Variants in ACOXL observed in about 807,000 individuals in gnomAD.
The protein encoded by ACOXL is acyl-coenzyme A oxidase-like protein.
Under a neutral mutation model 71.9 loss-of-function variants are expected in ACOXL, and 70 were observed. The ratio of observed to expected loss-of-function variants is 0.97; its 90% CI spans 0.80 to 1.19. ACOXL has a LOEUF of 1.19. ACOXL is among the 50% of genes most tolerant of loss of function. The probability of loss-of-function intolerance (pLI) is 0.00; values close to 1 mark genes in which losing one functional copy is unlikely to be tolerated. For missense variants in ACOXL, 703 were observed against 736.3 expected (o/e 0.95, Z 0.52); for synonymous variants, 253 against 281.6 (o/e 0.90, Z 1.02).
intron 12 of ACOXL, among the ~76,000 whole-genome samples, chr2:110,959,957 A>G (rs1012286855): frequency 5.3e-5 from 8 of 152,188 alleles, no homozygotes; most frequent in African/African-American, 1.9e-4. Context: ...AGGTGATCCC[A>G]GTCAGATCCA....
chr2:110,988,857 T>TTG (rs70958753), intron 13 of ACOXL, among the ~76,000 whole-genome samples: 8,239 of 143,356 alleles, frequency 0.057, 305 homozygotes, highest in Admixed American at 0.13. Context: ...CCTATTTTTA[T>TTG]TGTGTGTGTG....
chr2:110,773,549 G>A (rs1682243074), intron 2 of ACOXL, among the ~76,000 whole-genome samples: 1 of 152,130 alleles, frequency 6.6e-6, no homozygotes, highest in Admixed American at 6.5e-5. Context: ...TGTGACCGCT[G>A]TACTCCCCCA....
At chr2:110,748,032 T>G (rs974655320) in intron 1 of ACOXL, among the ~76,000 whole-genome samples, 12 of 152,182 alleles carry the variant, frequency 7.9e-5, no homozygotes, top group African/African-American at 2.9e-4. Flanking sequence ...ACTAAAGGTT[T>G]TCTTCTGCAG....
intron 12 of ACOXL, among the ~76,000 whole-genome samples, chr2:110,980,821 C>T (rs2149524089): frequency 6.6e-6 from 1 of 152,364 alleles, no homozygotes; most frequent in South Asian, 2.1e-4. Flanking sequence ...GCCCGCGGCC[C>T]TGAAAGCCTT....
intron 12 of ACOXL, among the ~76,000 whole-genome samples, chr2:110,976,463 T>G (rs932639087): frequency 6.6e-6 from 1 of 152,254 alleles, no homozygotes; most frequent in South Asian, 2.1e-4. Flanking sequence ...GCTAGCCAAA[T>G]TATTGATCAA....
chr2:110,944,254 A>G (rs145009749), intron 12 of ACOXL, among the ~76,000 whole-genome samples: 1 of 151,922 alleles, frequency 6.6e-6, no homozygotes, highest in African/African-American at 2.4e-5. Flanking sequence ...GGGTTTCACT[A>G]TATTGGCAAG....
chr2:111,068,304 G>T lies in ACOXL; in HGVS notation c.1440+19016G>T, dbSNP rs761082589. 5.9e-5 allele frequency among the ~76,000 whole-genome samples: 9 copies of T among 152,310 alleles called. No homozygotes were observed. In the East Asian group the frequency reaches 1.7e-3, roughly 29 times the overall value. On this transcript the variant is annotated intron_variant, in intron 16 of 17. Transcript: ENST00000439055. ...ACATGGTTTTCTATGACTGGAGCAC[G>T]GGGGCGTGACCTGGGGGTATGGTGG...
chr2:111,009,713 A>G (rs948086765), intron 14 of ACOXL, among the ~76,000 whole-genome samples: 1 of 152,124 alleles, frequency 6.6e-6, no homozygotes, highest in East Asian at 1.9e-4. Context: ...AAGGGGTTTT[A>G]AAGTTGGAAG....
intron 2 of ACOXL, among the ~76,000 whole-genome samples, 181 bp downstream of exon 2, chr2:110,768,645 C>T (rs1372846692): frequency 2.6e-5 from 4 of 152,010 alleles, no homozygotes; most frequent in Admixed American, 2.0e-4. Flanking sequence ...TATTTCCTCA[C>T]CCCAGTAGTG....
At chr2:110,950,474 A>C (rs1024633642) in intron 12 of ACOXL, among the ~76,000 whole-genome samples, 1 of 152,234 alleles carries the variant, frequency 6.6e-6, no homozygotes, top group Admixed American at 6.5e-5. Context: ...TATAAATTTC[A>C]TAAGGAATGG....
intron 9 of ACOXL, among the ~76,000 whole-genome samples, chr2:110,836,813 C>T (rs1406403632): frequency 6.6e-6 from 1 of 152,234 alleles, no homozygotes; most frequent in Non-Finnish European, 1.5e-5. Context: ...AATAGGCAGG[C>T]TCTTTCCAGA....
At chr2:110,844,842 C>T (rs962372328) in intron 10 of ACOXL, among the ~76,000 whole-genome samples, 3 of 152,200 alleles carry the variant, frequency 2.0e-5, no homozygotes, top group African/African-American at 7.2e-5. Context: ...CCACCACGCC[C>T]GGCCACCGTG....
chr2:111,108,410 C>G (rs554614058), intron 17 of ACOXL, among the ~76,000 whole-genome samples: 58 of 105,092 alleles, frequency 5.5e-4, no homozygotes, highest in Middle Eastern at 0.018. Flanking sequence ...CAGAGTTTCA[C>G]TCTTGCTGCC....
At chr2:110,975,952 T>G (rs975356730) in intron 12 of ACOXL, among the ~76,000 whole-genome samples, 1 of 152,018 alleles carries the variant, frequency 6.6e-6, no homozygotes, top group Admixed American at 6.6e-5. Flanking sequence ...CAGTCTAAAA[T>G]CTACAACATT....
intron 11 of ACOXL, among the ~76,000 whole-genome samples, chr2:110,922,382 A>G (rs1004592686): frequency 5.3e-5 from 8 of 152,194 alleles, no homozygotes; most frequent in African/African-American, 1.7e-4. Flanking sequence ...GCCAAAGGAA[A>G]ACAGTTTTTT....
intron 17 of ACOXL, among the ~76,000 whole-genome samples, chr2:111,102,494 G>A (rs147853151): frequency 1.8e-3 from 275 of 152,324 alleles, no homozygotes; most frequent in African/African-American, 6.1e-3. Flanking sequence ...TCTGGCAGCT[G>A]CATTGTCCTG....
intron 16 of ACOXL, among the ~76,000 whole-genome samples, chr2:111,074,561 C>CT (rs2067504742): frequency 6.7e-6 from 1 of 149,356 alleles, no homozygotes; most frequent in South Asian, 2.1e-4. Context: ...GTTTTTTTTT[C>CT]TTTTTTAGGT....
chr2:110,890,437 T>C (rs11123227), intron 10 of ACOXL, among the ~76,000 whole-genome samples: 43,592 of 152,118 alleles, frequency 0.29, 6,880 homozygotes, highest in Non-Finnish European at 0.35. Context: ...AAGAGTGTTA[T>C]AGTTTTAACT....
At position 111,117,914 on chromosome 2, in the gene ACOXL, C is replaced by T. The variant is rs978874554; in HGVS notation, c.*98C>T. 1.9e-5 allele frequency: 25 copies of T among 1,350,794 alleles called. No individual in the cohort carries two copies. The African/African-American group carries it at 2.0e-4, about 11-fold the overall frequency. 83.7% of individuals were successfully genotyped at this position (1,350,794 alleles called of 1,614,324 possible). A position where few individuals can be genotyped will look rare whatever the true frequency, so the allele number is the denominator to read the frequency against. ...GGCCGAGGCCGGGGGCTGGCACCCG[C>T]TGGGCCGCCACTCTCGGGGATTTTG... is the stretch of plus-strand genomic sequence containing the variant. On this transcript the variant is annotated 3_prime_UTR_variant, in exon 18 of 18. Coordinates refer to ENST00000439055, the MANE Select transcript of ACOXL (RefSeq NM_001142807.4).
Sources: gnomAD v4.1 joint callset for allele counts (sites outside exome capture counted in the v4.1 genomes callset) on GRCh38, gnomAD v4.1.1 for gene constraint, MANE v1.5 for transcripts, NCBI Gene and HGNC (gene_info 2026-07-23, HGNC 2026-07-21) for gene names.